SLC12A9: variants seen among roughly 807,000 people sequenced by gnomAD.
SLC12A9 encodes the protein solute carrier family 12 member 9.
A neutral mutation model predicts 66.0 loss-of-function variants in SLC12A9; 55 were observed. That is an observed-to-expected ratio of 0.83 (90% CI 0.67 to 1.04). The LOEUF (loss-of-function observed/expected upper bound fraction) is 1.04. SLC12A9 is among the 50% of genes least tolerant of loss of function. The probability of loss-of-function intolerance (pLI) is 0.00; values close to 1 mark genes in which losing one functional copy is unlikely to be tolerated. For synonymous variants in SLC12A9, 577 were observed against 569.0 expected, an observed-to-expected ratio of 1.01 and a Z score of -0.20; for missense variants, 1,061 against 1,241.9, an observed-to-expected ratio of 0.85 and a Z score of 2.19.
intron 1 of SLC12A9, among the ~76,000 whole-genome samples, chr7:100,842,262 C>T (rs565321528): frequency 1.2e-4 from 19 of 152,338 alleles, no homozygotes; most frequent in African/African-American, 4.3e-4. Flanking sequence ...ATTACTCTTT[C>T]TTCTTTCCTC....
At position 100,861,963 on chromosome 7, in the gene SLC12A9, CT is replaced by C. The variant is rs371080486; in HGVS notation, c.1711+66del. ...CACTCCCATCCTTCTCTCCCCCTAC[CT>C]TTTTTTTTTTTTTGAGATGGAGCTT... On this transcript the variant is annotated intron_variant, in intron 12 of 13. Transcript: ENST00000354161. The surrounding 1 kb of genome is among the most constrained non-coding windows in gnomAD (Gnocchi z 5.3). 185,860 of 1,089,092 alleles carry C rather than the reference CT, an allele frequency of 0.17. 1 individual carries two copies. The highest frequency in any genetic ancestry group is 0.21 in the South Asian group (10,940 of 51,636). 67.5% of individuals were successfully genotyped at this position (1,089,092 alleles called of 1,614,324 possible).
At chr7:100,863,205 T>C (rs1407501295) in intron 13 of SLC12A9, among the ~76,000 whole-genome samples, 2 of 151,952 alleles carry the variant, frequency 1.3e-5, no homozygotes, top group African/African-American at 2.4e-5. Context: ...TCTGGGACTA[T>C]AGGCATGTGC....
intron 13 of SLC12A9, chr7:100,865,226 G>T (rs1814996137): frequency 1.3e-6 from 2 of 1,533,048 alleles, no homozygotes; most frequent in Non-Finnish European, 1.7e-6. Flanking sequence ...CCAAGATGCT[G>T]CGATTACAGG....
chr7:100,840,584 GGAAAGAGACAGAGA>G (rs1813764698), intron 1 of SLC12A9, among the ~76,000 whole-genome samples: 1 of 151,868 alleles, frequency 6.6e-6, no homozygotes, highest in Admixed American at 6.6e-5. Context: ...AAGAGAGAAA[GGAAAGAGACAGAGA>G]GGAAGAGACA....
At chr7:100,859,799 C>T in intron 7 of SLC12A9, 86 bp from the exon 8 acceptor site, 1 of 1,470,892 alleles carries the variant, frequency 6.8e-7, no homozygotes, top group Non-Finnish European at 9.2e-7. Flanking sequence ...CATTTGATAT[C>T]TGAGTCTGAT....
chr7:100,840,714 G>C (rs1813769132), intron 1 of SLC12A9, among the ~76,000 whole-genome samples: 1 of 149,558 alleles, frequency 6.7e-6, no homozygotes, highest in African/African-American at 2.5e-5. Context: ...GTCAAAGAGA[G>C]ACAAAGTCAA....
intron 9 of SLC12A9, 181 bp from the exon 10 acceptor site, chr7:100,860,957 T>C: frequency 8.9e-7 from 1 of 1,125,188 alleles, no homozygotes; most frequent in Non-Finnish European, 1.3e-6. Flanking sequence ...CTTTTGGGGT[T>C]TAATAGCATT....
In SLC12A9 at chr7:100,826,966, C is replaced by CA. The variant is rs1329374001; in HGVS notation, n.149dup. 10 of 1,475,276 alleles carry CA rather than the reference C, an allele frequency of 6.8e-6. No individual in the cohort carries two copies. In the East Asian group the frequency reaches 2.5e-4, roughly 36 times the overall value. 91.4% of individuals were successfully genotyped at this position (1,475,276 alleles called of 1,614,324 possible). A position where few individuals can be genotyped will look rare whatever the true frequency, so the allele number is the denominator to read the frequency against. The stretch of plus-strand genomic sequence containing the variant: ...GAGTGACGGGGTGCGCCCCCCCCCG[C>CA]AAGGAAACTCACCTTCCAAAGCTGC... On this transcript the variant is annotated non_coding_transcript_exon_variant, in exon 1 of 2. Coordinates refer to the SLC12A9 transcript ENST00000461016.
In SLC12A9 at chr7:100,827,000, A is replaced by T. The variant is rs1391140257; in HGVS notation, n.181A>T. 21 of 1,576,634 alleles carry T rather than the reference A, an allele frequency of 1.3e-5. No individual in the cohort carries two copies. The South Asian group carries it at 2.3e-4, about 17-fold the overall frequency. On this transcript the variant is annotated non_coding_transcript_exon_variant, in exon 1 of 2. Transcript: ENST00000461016. ...TCACCTTCCAAAGCTGCGGCCAACG[A>T]AGCCCAGCAGAGCAGCACCCGGAGC...
chr7:100,860,111 C>T lies in SLC12A9; in HGVS notation c.1136-39C>T, dbSNP rs767041264. The T allele has an allele frequency of 3.7e-6, 6 of 1,614,030 alleles. No homozygotes were observed. The East Asian group carries it at 1.3e-4, about 36-fold the overall frequency. On this transcript the variant is annotated intron_variant, in intron 8 of 13. Transcript: ENST00000354161. ...TGTCTGTCTCTCCGTCCCCGCTGAG[C>T]CCTGGCTGATGTGTCTGCTGTGGAT...
chr7:100,831,206 G>C (rs1813537100), intron 1 of SLC12A9, among the ~76,000 whole-genome samples: 3 of 152,114 alleles, frequency 2.0e-5, no homozygotes, highest in Non-Finnish European at 4.4e-5. Flanking sequence ...TATTTTTGGA[G>C]ACGGCGTTTC....
In SLC12A9 at chr7:100,854,655, C is replaced by A. The variant is rs1241276647; in HGVS notation, c.217C>A (p.Leu73Met). The change falls in exon 3 of 14, where the codon CTG becomes ATG. Residue 73 changes from leucine to methionine, a missense_variant. Leu to Met is a conservative substitution (Grantham distance 15, BLOSUM62 2). Coordinates refer to ENST00000354161, the MANE Select transcript of SLC12A9 (RefSeq NM_020246.4). ...GGGTCATGCTGGGCTACTGCAGGCC[C>A]TGGCCATGCTGCTGGTTGCCTACTT... ...VVGHAGLLQA[L>M]AMLLVAYFIL... The A allele has an allele frequency of 6.2e-7, 1 of 1,614,094 alleles. No individual in the cohort carries two copies. The highest frequency in any genetic ancestry group is 2.2e-5 in the East Asian group (1 of 44,866).
intron 1 of SLC12A9, among the ~76,000 whole-genome samples, chr7:100,836,028 AG>A (rs34318429): frequency 2.6e-5 from 4 of 152,246 alleles, no homozygotes; most frequent in East Asian, 3.9e-4. Context: ...TTGTCCCAGC[AG>A]GGGGAAGTCT....
At chr7:100,855,539 A>G in intron 3 of SLC12A9, 167 bp from the exon 4 acceptor site, 1 of 812,816 alleles carries the variant, frequency 1.2e-6, no homozygotes. Context: ...TTAGGCAGTG[A>G]TTGTTTTACA....
upstream of SLC12A9, among the ~76,000 whole-genome samples, chr7:100,848,682 C>A (rs866804189): frequency 6.6e-6 from 1 of 151,838 alleles, no homozygotes; most frequent in East Asian, 1.9e-4. Flanking sequence ...GTCAGGAGAT[C>A]GAGACCATTC....
chr7:100,828,702 G>A (rs2116482392), intron 1 of SLC12A9, among the ~76,000 whole-genome samples: 1 of 152,226 alleles, frequency 6.6e-6, no homozygotes, highest in East Asian at 1.9e-4. Flanking sequence ...TGGGGCTGCG[G>A]CTGCGGCTGC....
upstream of SLC12A9, among the ~76,000 whole-genome samples, chr7:100,851,928 C>A (rs1814096370): frequency 6.6e-6 from 1 of 152,012 alleles, no homozygotes; most frequent in Admixed American, 6.6e-5. Context: ...ATTTATCAAA[C>A]CTTTAGGCGT....
At chr7:100,865,555 A>G in intron 13 of SLC12A9, 164 bp from the exon 14 acceptor site, 1 of 1,585,142 alleles carries the variant, frequency 6.3e-7, no homozygotes, top group Admixed American at 1.7e-5. Context: ...AAAAATGAAA[A>G]GTCTTTATGC....
intron 7 of SLC12A9, 181 bp from the exon 8 acceptor site, chr7:100,859,704 T>C: frequency 1.4e-6 from 1 of 729,536 alleles, no homozygotes; most frequent in Non-Finnish European, 2.2e-6. Flanking sequence ...GAGTGAGACC[T>C]TGTCTCTTAA....
Sources: gnomAD v4.1 joint callset for allele counts (sites outside exome capture counted in the v4.1 genomes callset) on GRCh38, gnomAD v4.1.1 for gene constraint, Gnocchi (gnomAD v3.1) non-coding constraint, MANE v1.5 for transcripts, NCBI Gene and HGNC (gene_info 2026-07-23, HGNC 2026-07-21) for gene names.